CNNM4: variants seen among roughly 807,000 people sequenced by gnomAD.
CNNM4 encodes cyclin and CBS domain divalent metal cation transport mediator 4.
Under a neutral mutation model 53.7 loss-of-function variants are expected in CNNM4, and 32 were observed. The observed-to-expected ratio is 0.60, with a 90% CI of 0.45 to 0.80. CNNM4 has a LOEUF of 0.80. Ranked by LOEUF, CNNM4 falls within the 30% of genes least tolerant of loss-of-function variation. CNNM4 has a pLI of 0.00. For synonymous variants in CNNM4, 410 were observed against 440.0 expected, an observed-to-expected ratio of 0.93 and a Z score of 0.85; for missense variants, 784 against 1,022.0, an observed-to-expected ratio of 0.77 and a Z score of 3.17.
chr2:96,798,293 G>C (rs1473636116), intron 3 of CNNM4: 1 of 166,794 alleles, frequency 6.0e-6, no homozygotes, highest in Admixed American at 5.7e-5. Context: ...GGCCCATCAG[G>C]GCTTGTGGAA....
At chr2:96,803,310 G>A (rs772461182) in intron 5 of CNNM4, among the ~76,000 whole-genome samples, 3 of 152,104 alleles carry the variant, frequency 2.0e-5, no homozygotes, top group African/African-American at 2.4e-5. Flanking sequence ...ATATTCATGG[G>A]GGTCTTTATT....
At position 96,761,293 on chromosome 2, in the gene CNNM4, T is replaced by C. The variant is rs1229214125; in HGVS notation, c.294T>C (p.Asp98=). 1 of 1,613,942 alleles carries C rather than the reference T, an allele frequency of 6.2e-7. No individual in the cohort carries two copies. Among genetic ancestry groups the C allele is most frequent in the Non-Finnish European group, 8.5e-7 (1 of 1,180,006 alleles). The change falls in exon 1 of 7, where the codon GAT becomes GAC. Residue 98 remains aspartate, a synonymous_variant. Transcript: ENST00000377075. The surrounding 1 kb of genome is among the most constrained non-coding windows in gnomAD (Gnocchi z 6.0). ...SNLISFTEVD[D]AETLHKSTSC... ...TGATCTCCTTCACCGAGGTGGACGATGCCGAGACCCTCCACAAGTCCACCA... is the reference window on the plus strand; with the variant it reads ...TGATCTCCTTCACCGAGGTGGACGACGCCGAGACCCTCCACAAGTCCACCA...
intron 1 of CNNM4, among the ~76,000 whole-genome samples, chr2:96,785,186 G>T (rs575096765): frequency 2.2e-4 from 34 of 152,156 alleles, no homozygotes; most frequent in South Asian, 1.5e-3. Context: ...CATTTACGGG[G>T]TATTCTAAAG....
Position 96,801,988 on chromosome 2 carries a change from G to A in CNNM4, c.1948+2340G>A, listed in dbSNP as rs1295323666. ...GCACACACACAAAGAGACACACACA[G>A]ACACACACCCATGGACACACACACA... On this transcript the variant is annotated intron_variant, in intron 5 of 6. Transcript: ENST00000377075. This position sits in a 1 kb window ranked among gnomAD's most constrained non-coding sequence, Gnocchi z 5.6. Among the ~76,000 whole-genome samples the A allele has an allele frequency of 1.4e-5, 2 of 144,464 alleles. No homozygotes were observed. The highest frequency in any genetic ancestry group is 4.2e-4 in the East Asian group (2 of 4,796). The allele number at this position is 144,464 out of a possible 152,430, so 94.8% of individuals were successfully genotyped here. A position where few individuals can be genotyped will look rare whatever the true frequency, so the allele number is the denominator to read the frequency against.
chr2:96,775,978 G>A (rs540905996), intron 1 of CNNM4, among the ~76,000 whole-genome samples: 3 of 151,494 alleles, frequency 2.0e-5, no homozygotes, highest in Non-Finnish European at 2.9e-5. Flanking sequence ...TTCCCTCCTC[G>A]GCCTCCTAAA....
chr2:96,768,913 C>T (rs866455539), intron 1 of CNNM4, among the ~76,000 whole-genome samples: 3 of 152,160 alleles, frequency 2.0e-5, no homozygotes, highest in African/African-American at 4.8e-5. Flanking sequence ...AAAATGCCCA[C>T]GTGAGGCTGA....
At chr2:96,769,070 T>G (rs1389101858) in intron 1 of CNNM4, among the ~76,000 whole-genome samples, 1 of 151,524 alleles carries the variant, frequency 6.6e-6, no homozygotes, top group Admixed American at 6.6e-5. Context: ...GCTAACACGG[T>G]AAAACCCTGT....
At position 96,761,351 on chromosome 2, in the gene CNNM4, C is replaced by T; in HGVS notation, c.352C>T (p.Gln118Ter). 2 of 1,614,086 alleles carry T rather than the reference C, an allele frequency of 1.2e-6. No homozygotes were observed. The highest frequency in any genetic ancestry group is 2.2e-5 in the East Asian group (1 of 44,886). Residue 118 changes from glutamine to a stop codon, truncating the protein, a stop_gained, in exon 1 of 7, where the codon CAG becomes TAG. Coordinates refer to ENST00000377075, the MANE Select transcript of CNNM4 (RefSeq NM_020184.4). LOFTEE classifies it high-confidence loss of function. This position sits in a 1 kb window ranked among gnomAD's most constrained non-coding sequence, Gnocchi z 6.0. Reference protein sequence around the residue: ...CLELTKDLVVQQLVNVSRGNT... With the variant: ...CLELTKDLVV ...CGAGCTCACCAAGGACCTGGTCGTC[C>T]AGCAGCTGGTCAACGTGAGCCGCGG...
At chr2:96,798,982 G>A in intron 3 of CNNM4, 75 bp from the exon 4 acceptor site, 2 of 1,423,236 alleles carry the variant, frequency 1.4e-6, no homozygotes, top group Non-Finnish European at 2.0e-6. Flanking sequence ...TGGTTGGGGT[G>A]GAGGCACAGC....
In CNNM4 at chr2:96,797,454, A is replaced by G; in HGVS notation, c.1547-59A>G. ...GAGCAGGAGCTGCGGGGCGGGTTCC[A>G]GTCTCTTCCTAAGTCCTCAGGGGTC... On this transcript the variant is annotated intron_variant, in intron 2 of 6. Coordinates refer to ENST00000377075, the MANE Select transcript of CNNM4 (RefSeq NM_020184.4). This position sits in a 1 kb window ranked among gnomAD's most constrained non-coding sequence, Gnocchi z 6.0. 2 of 1,606,282 alleles carry G rather than the reference A, an allele frequency of 1.2e-6. No homozygotes were observed. The highest frequency in any genetic ancestry group is 1.7e-6 in the Non-Finnish European group (2 of 1,178,754).
At chr2:96,787,851 C>G (rs903826829) in intron 1 of CNNM4, among the ~76,000 whole-genome samples, 20 of 152,104 alleles carry the variant, frequency 1.3e-4, no homozygotes, top group African/African-American at 4.8e-4. Context: ...CAGAATGAGA[C>G]CCTGTCTAAA....
At chr2:96,804,389 C>G (rs1421038899) in intron 5 of CNNM4, among the ~76,000 whole-genome samples, 2 of 150,820 alleles carry the variant, frequency 1.3e-5, no homozygotes, top group Non-Finnish European at 3.0e-5. Flanking sequence ...GCCAGGAACC[C>G]CCAGCTAAGT....
intron 5 of CNNM4, 132 bp downstream of exon 5, chr2:96,799,780 G>T: frequency 1.2e-6 from 1 of 813,996 alleles, no homozygotes; most frequent in Non-Finnish European, 2.1e-6. Context: ...GGCTGGTGAG[G>T]CGGGAGCCGC....
chr2:96,784,891 T>C (rs1055830990), intron 1 of CNNM4, among the ~76,000 whole-genome samples: 1 of 152,218 alleles, frequency 6.6e-6, no homozygotes, highest in African/African-American at 2.4e-5. Flanking sequence ...CTATTTTTTC[T>C]TTTTGAGATA....
At chr2:96,799,024 C>T (rs767799991) in intron 3 of CNNM4, 33 bp from the exon 4 acceptor site, 21 of 1,611,258 alleles carry the variant, frequency 1.3e-5, no homozygotes, top group Non-Finnish European at 1.7e-5. Flanking sequence ...CCTGGCCAGC[C>T]CCGTGTGAGG....
intron 1 of CNNM4, among the ~76,000 whole-genome samples, chr2:96,789,263 C>A (rs1377465002): frequency 6.6e-6 from 1 of 152,144 alleles, no homozygotes; most frequent in African/African-American, 2.4e-5. Context: ...GACAACATGG[C>A]TAACACCCAG....
chr2:96,799,017 G>C, intron 3 of CNNM4, 40 bp from the exon 4 acceptor site: 13 of 1,607,876 alleles, frequency 8.1e-6, no homozygotes, highest in South Asian at 2.2e-5. Context: ...AGGGCCACCT[G>C]GCCAGCCCCG....
Position 96,761,242 on chromosome 2 carries a change from C to G in CNNM4, c.243C>G (p.Tyr81Ter), listed in dbSNP as rs886056474. 6.2e-7 allele frequency: 1 copy of G among 1,614,170 alleles called. No individual in the cohort carries two copies. The highest frequency in any genetic ancestry group is 1.7e-5 in the Admixed American group (1 of 60,030). Residue 81 changes from tyrosine to a stop codon, truncating the protein, a stop_gained, in exon 1 of 7, where the codon TAC (tyrosine) becomes TAG (stop). Transcript: ENST00000377075. LOFTEE classifies it high-confidence loss of function. This position sits in a 1 kb window ranked among gnomAD's most constrained non-coding sequence, Gnocchi z 6.0. The part of the protein sequence containing the change: ...GSTVNLRLYG[Y>*]SLGNISSNLI... ...CCGTGAACCTGAGGCTGTACGGCTACAGCCTGGGCAACATCTCCAGCAACC... is the reference window on the plus strand; with the variant it reads ...CCGTGAACCTGAGGCTGTACGGCTAGAGCCTGGGCAACATCTCCAGCAACC...
chr2:96,808,446 GA>G lies in CNNM4; in HGVS notation c.1949-114del. On this transcript the variant is annotated intron_variant, in intron 5 of 6. Transcript: ENST00000377075. This position sits in a 1 kb window ranked among gnomAD's most constrained non-coding sequence, Gnocchi z 4.9. The stretch of plus-strand genomic sequence containing the variant: ...CATGCTTCTGTTTGTCCCTAAGAAT[GA>G]CTTCCTGTTCCTGGGTGGGGTGTCC... 9.8e-7 allele frequency: 1 copy of G among 1,015,236 alleles called. No homozygotes were observed. Among genetic ancestry groups the G allele is most frequent in the Admixed American group, 2.0e-5 (1 of 50,958 alleles). 62.9% of individuals were successfully genotyped at this position (1,015,236 alleles called of 1,614,324 possible).
Sources: allele counts gnomAD v4.1 joint callset (sites outside exome capture counted in the v4.1 genomes callset), GRCh38; gene constraint gnomAD v4.1.1; non-coding constraint Gnocchi (gnomAD v3.1); transcripts MANE v1.5; gene names NCBI Gene and HGNC (gene_info 2026-07-23, HGNC 2026-07-21).